PLEKHG1: variants seen among roughly 807,000 people sequenced by gnomAD.
PLEKHG1 encodes pleckstrin homology domain-containing family G member 1.
Under a neutral mutation model 100.8 loss-of-function variants are expected in PLEKHG1, and 44 were observed. The observed-to-expected ratio is 0.44, with a 90% CI of 0.34 to 0.56. PLEKHG1 has a LOEUF of 0.56. PLEKHG1 is among the 20% of genes least tolerant of loss of function. The pLI is 0.01. For synonymous variants in PLEKHG1, 640 were observed against 662.5 expected, an observed-to-expected ratio of 0.97 and a Z score of 0.52; for missense variants, 1,545 against 1,720.9, an observed-to-expected ratio of 0.90 and a Z score of 1.81.
intron 3 of PLEKHG1, among the ~76,000 whole-genome samples, chr6:150,715,008 A>G (rs926634718): frequency 6.6e-6 from 1 of 151,706 alleles, no homozygotes; most frequent in African/African-American, 2.4e-5. Context: ...ACTGTTGGCC[A>G]GGCTGGTCTC....
chr6:150,808,765 A>C (rs767315695), intron 7 of PLEKHG1, among the ~76,000 whole-genome samples: 2 of 152,070 alleles, frequency 1.3e-5, no homozygotes, highest in Non-Finnish European at 2.9e-5. Context: ...AAAACAAAAC[A>C]AAACAAAGAA....
In PLEKHG1 at chr6:150,777,254, C is replaced by T. The variant is rs1785031760; in HGVS notation, c.512+8516C>T. Reference sequence around the variant, plus strand: ...GGTTGCACATTACTCAACACTAATGCAATCCTGGTGCACATGTGCGGTTGC... The same window carrying T: ...GGTTGCACATTACTCAACACTAATGTAATCCTGGTGCACATGTGCGGTTGC... On this transcript the variant is annotated intron_variant, in intron 3 of 15. Coordinates refer to ENST00000358517, the Ensembl canonical transcript of PLEKHG1. Among the ~76,000 whole-genome samples, 5 of 148,680 alleles carry T rather than the reference C, an allele frequency of 3.4e-5. 1 individual carries two copies. The South Asian group carries it at 1.1e-3, about 32-fold the overall frequency.
At chr6:150,766,069 A>C (rs1213736681) in intron 2 of PLEKHG1, among the ~76,000 whole-genome samples, 13 of 152,232 alleles carry the variant, frequency 8.5e-5, no homozygotes, top group Non-Finnish European at 1.9e-4. Context: ...AATGGTAGAG[A>C]TCTTAAGGAC....
At chr6:150,789,752 A>C (rs1785858002) in intron 4 of PLEKHG1, among the ~76,000 whole-genome samples, 1 of 152,222 alleles carries the variant, frequency 6.6e-6, no homozygotes. Context: ...CAAGAAACTC[A>C]AAAAGTATGA....
chr6:150,704,887 T>C (rs1780942268), intron 3 of PLEKHG1, among the ~76,000 whole-genome samples: 2 of 152,220 alleles, frequency 1.3e-5, no homozygotes, highest in Non-Finnish European at 2.9e-5. Flanking sequence ...TATTCTCACA[T>C]AGGCTTTTGC....
At chr6:150,771,902 A>G (rs867994557) in intron 3 of PLEKHG1, among the ~76,000 whole-genome samples, 1 of 152,218 alleles carries the variant, frequency 6.6e-6, no homozygotes, top group Non-Finnish European at 1.5e-5. Context: ...CCACAGAAAG[A>G]CATTCTGTCA....
rs138285377 is a variant in PLEKHG1 at position 150,733,898 on chromosome 6, G to A, written c.217G>A (p.Ala73Thr). ...CAGCGAGCTGCAGAGGGACAACCCC[G>A]CCACGGGGCAACAGAACGCGGATGA... Residue 73 changes from alanine to threonine, a missense_variant, in exon 2 of 16, where the codon GCC becomes ACC. Coordinates refer to ENST00000358517, the Ensembl canonical transcript of PLEKHG1. 6.1e-5 allele frequency: 99 copies of A among 1,614,162 alleles called. No homozygotes were observed. In the Middle Eastern group the frequency reaches 9.9e-4, roughly 16 times the overall value.
chr6:150,694,958 G>A (rs1780489119), intron 3 of PLEKHG1, among the ~76,000 whole-genome samples: 1 of 151,944 alleles, frequency 6.6e-6, no homozygotes, highest in African/African-American at 2.4e-5. Context: ...CATTCCCCCT[G>A]GAAAACTAGA....
intron 1 of PLEKHG1, among the ~76,000 whole-genome samples, chr6:150,626,972 A>G (rs1777536626): frequency 6.6e-6 from 1 of 152,228 alleles, no homozygotes; most frequent in East Asian, 1.9e-4. Context: ...ACCATTCTTT[A>G]TAGTGCATGG....
chr6:150,795,843 TG>T lies in PLEKHG1; in HGVS notation c.583-12del, dbSNP rs1786297501. The T allele has an allele frequency of 1.3e-6, 2 of 1,576,538 alleles. No homozygotes were observed. Among genetic ancestry groups the T allele is most frequent in the Non-Finnish European group, 1.7e-6 (2 of 1,147,598 alleles). On this transcript the variant is annotated splice_polypyrimidine_tract_variant and intron_variant, in intron 4 of 15. Coordinates refer to ENST00000358517, the Ensembl canonical transcript of PLEKHG1. ...CTTTGTTGCCTATAAAAATTTCTTT[TG>T]TTTCCTTGCAGAGTGAAGAGTTCCA...
In PLEKHG1 at chr6:150,612,826, C is replaced by T. The variant is rs2128553979; in HGVS notation, c.-204+12809C>T. Among the ~76,000 whole-genome samples, 5 of 152,292 alleles carry T rather than the reference C, an allele frequency of 3.3e-5. 1 individual carries two copies. In the South Asian group the frequency reaches 1.0e-3, roughly 32 times the overall value. ...CAGATTTATATAACTTCTCATGGTCCTTGATCCATGCTCCCTCTTGGTCCA... is the reference window on the plus strand; with the variant it reads ...CAGATTTATATAACTTCTCATGGTCTTTGATCCATGCTCCCTCTTGGTCCA... On this transcript the variant is annotated intron_variant, in intron 1 of 3. Transcript: ENST00000367326.
At chr6:150,714,205 T>C (rs985015901) in intron 3 of PLEKHG1, among the ~76,000 whole-genome samples, 4 of 152,232 alleles carry the variant, frequency 2.6e-5, no homozygotes, top group African/African-American at 9.6e-5. Context: ...TCCTTAGAGA[T>C]GGGACTGATA....
At chr6:150,823,595 T>A (rs1776426727) in intron 13 of PLEKHG1, 59 bp from the exon 15 acceptor site, 5 of 1,132,932 alleles carry the variant, frequency 4.4e-6, no homozygotes, top group South Asian at 3.8e-5. Context: ...TATTAGTGCT[T>A]ACTTATATAG....
At chr6:150,674,684 C>CTCTCTCTCTCTCTCTCTCT (rs1562427910) in intron 3 of PLEKHG1, among the ~76,000 whole-genome samples, 7 of 73,360 alleles carry the variant, frequency 9.5e-5, no homozygotes, top group Non-Finnish European at 1.3e-4. Flanking sequence ...TCTCTCTCTC[C>CTCTCTCTCTCTCTCTCTCT]CCCCTCTTCT....
At chr6:150,602,004 T>C (rs769236484) in intron 1 of PLEKHG1, among the ~76,000 whole-genome samples, 1 of 152,188 alleles carries the variant, frequency 6.6e-6, no homozygotes, top group East Asian at 1.9e-4. Context: ...TTTAAAACAA[T>C]AGGAAGTGGC....
rs1436292136 is a variant in PLEKHG1, at chr6:150,668,866, T to A, written c.-99+18080T>A. ...AGTCCCCCTGCTTTGTACAAAGTAA[T>A]ACAAAACAAGATTTGTCTTATTTGA... On this transcript the variant is annotated intron_variant, in intron 3 of 3. Coordinates refer to the PLEKHG1 transcript ENST00000367326. Among the ~76,000 whole-genome samples the A allele has an allele frequency of 2.6e-5, 4 of 152,208 alleles. 1 individual carries two copies. The highest frequency in any genetic ancestry group is 1.5e-5 in the Non-Finnish European group (1 of 68,030).
intron 11 of PLEKHG1, 149 bp from the exon 13 acceptor site, chr6:150,819,530 C>T (rs879807815): frequency 9.8e-6 from 4 of 409,914 alleles, no homozygotes; most frequent in Non-Finnish European, 1.3e-5. Flanking sequence ...CATGCCACCG[C>T]ACTTCAGCGT....
intron 4 of PLEKHG1, among the ~76,000 whole-genome samples, chr6:150,787,810 TTG>T (rs1055045615): frequency 2.0e-5 from 3 of 152,116 alleles, no homozygotes; most frequent in South Asian, 2.1e-4. Context: ...TCTCCTGACT[TTG>T]TGTGTGTGTG....
At position 150,675,432 on chromosome 6, in the gene PLEKHG1, T is replaced by C. The variant is rs796850085; in HGVS notation, c.-99+24646T>C. Among the ~76,000 whole-genome samples, 76 of 152,326 alleles carry C rather than the reference T, an allele frequency of 5.0e-4. 3 individuals are homozygous for C. Among genetic ancestry groups the C allele is most frequent in the African/African-American group, 1.8e-3 (73 of 41,572 alleles). The stretch of plus-strand genomic sequence containing the variant: ...ATCACACATGCTCATCCATTCTTGC[T>C]TTTTCTCTCACGCTTTCTGGATTAG... On this transcript the variant is annotated intron_variant, in intron 3 of 3. Coordinates refer to the PLEKHG1 transcript ENST00000367326.
Sources: gnomAD v4.1 joint callset for allele counts (sites outside exome capture counted in the v4.1 genomes callset) on GRCh38, gnomAD v4.1.1 for gene constraint, MANE v1.5 for transcripts, NCBI Gene and HGNC (gene_info 2026-07-23, HGNC 2026-07-21) for gene names.